Variants in PEBP1 observed in about 807,000 individuals in gnomAD.
PEBP1 encodes phosphatidylethanolamine-binding protein 1.
In PEBP1, 17 loss-of-function variants were observed where a neutral mutation model predicts 22.7. The observed-to-expected ratio is 0.75, with a 90% CI of 0.51 to 1.12. The LOEUF (loss-of-function observed/expected upper bound fraction) is 1.12, where lower values mean the gene tolerates loss of function less well. Among genes scored for constraint, PEBP1 ranks in the 50% most tolerant of loss-of-function variants. The pLI, the probability that PEBP1 is intolerant of heterozygous loss-of-function variation, is 0.00. For missense variants in PEBP1, 205 were observed against 243.5 expected, an observed-to-expected ratio of 0.84 and a Z score of 1.05; for synonymous variants, 106 against 104.3, an observed-to-expected ratio of 1.02 and a Z score of -0.10.
Position 118,145,050 on chromosome 12 carries a change from G to A in PEBP1, c.*247G>A, listed in dbSNP as rs1035627086. On this transcript the variant is annotated 3_prime_UTR_variant, in exon 4 of 4. Coordinates refer to ENST00000261313, the MANE Select transcript of PEBP1 (RefSeq NM_002567.4). ...GGGGGTATTTTGGTACTGTGATGGGGTCATCAAATTATTAATCTGAAAATA... is the reference window on the plus strand; with the variant it reads ...GGGGGTATTTTGGTACTGTGATGGGATCATCAAATTATTAATCTGAAAATA... 3 of 1,418,962 alleles carry A rather than the reference G, an allele frequency of 2.1e-6. No homozygotes were observed. The highest frequency in any genetic ancestry group is 2.9e-5 in the African/African-American group (2 of 70,140). 87.9% of individuals were successfully genotyped at this position (1,418,962 alleles called of 1,614,324 possible). A position where few individuals can be genotyped will look rare whatever the true frequency, so the allele number is the denominator to read the frequency against.
chr12:118,143,354 A>C (rs770122921), intron 3 of PEBP1, among the ~76,000 whole-genome samples: 4 of 152,140 alleles, frequency 2.6e-5, no homozygotes, highest in Non-Finnish European at 5.9e-5. Context: ...AATTTCACTA[A>C]TGTAATGTTC....
Position 118,138,097 on chromosome 12 carries a change from C to T in PEBP1, c.194C>T (p.Thr65Ile), listed in dbSNP as rs199837201. The T allele has an allele frequency of 1.9e-6, 3 of 1,613,972 alleles. No homozygotes were observed. In the African/African-American group the frequency reaches 4.0e-5, roughly 22 times the overall value. ...GGTCTTGATTCAGGGAAGCTCTACA[C>T]CTTGGTCCTGACAGACCCGGATGCT... ...WDGLDSGKLY[T>I]LVLTDPDAPS... Residue 65 changes from threonine to isoleucine, a missense_variant, in exon 2 of 4, where the codon ACC (threonine) becomes ATC (isoleucine). By Grantham distance (89) the Thr-to-Ile change is moderately conservative. Transcript: ENST00000261313.
chr12:118,141,833 AAT>A, intron 3 of PEBP1, among the ~76,000 whole-genome samples: 1 of 152,348 alleles, frequency 6.6e-6, no homozygotes, highest in East Asian at 1.9e-4. Flanking sequence ...AGATTGTATC[AAT>A]AGTTACCCCT....
At chr12:118,141,954 T>C (rs2064504099) in intron 3 of PEBP1, among the ~76,000 whole-genome samples, 2 of 152,144 alleles carry the variant, frequency 1.3e-5, no homozygotes, top group Non-Finnish European at 2.9e-5. Context: ...TGAAGAAATA[T>C]CCAAATATTA....
chr12:118,144,277 G>C (rs937792223), intron 3 of PEBP1, among the ~76,000 whole-genome samples: 1 of 152,080 alleles, frequency 6.6e-6, no homozygotes, highest in Admixed American at 6.6e-5. Context: ...GCGAGGATAA[G>C]GGGGTGCAGA....
chr12:118,136,457 G>A lies in PEBP1; in HGVS notation c.135+113G>A, dbSNP rs1464847362. 7.9e-7 allele frequency: 1 copy of A among 1,262,992 alleles called. No individual in the cohort carries two copies. The highest frequency in any genetic ancestry group is 1.5e-5 in the African/African-American group (1 of 64,568). The allele number at this position is 1,262,992 out of a possible 1,614,324, so 78.2% of individuals were successfully genotyped here. A position where few individuals can be genotyped will look rare whatever the true frequency, so the allele number is the denominator to read the frequency against. On this transcript the variant is annotated intron_variant, in intron 1 of 3. Coordinates refer to ENST00000261313, the MANE Select transcript of PEBP1 (RefSeq NM_002567.4). This position sits in a 1 kb window ranked among gnomAD's most constrained non-coding sequence, Gnocchi z 5.6. ...GGGGCGGTGGGGAGGTTCAGCCTGC[G>A]TGTGTCGAGGCCCCCCCAGGCCAGA...
chr12:118,136,192 G>T lies in PEBP1; in HGVS notation c.-18G>T. On this transcript the variant is annotated 5_prime_UTR_variant, in exon 1 of 4. Transcript: ENST00000261313. This position sits in a 1 kb window ranked among gnomAD's most constrained non-coding sequence, Gnocchi z 5.6. Reference sequence around the variant, plus strand: ...CCTACCGCGGCACTCCCGGCTGCACGCTCTGCTTGGCCTCGCCATGCCGGT... The same window carrying T: ...CCTACCGCGGCACTCCCGGCTGCACTCTCTGCTTGGCCTCGCCATGCCGGT... The T allele has an allele frequency of 1.9e-6, 3 of 1,543,034 alleles. No individual in the cohort carries two copies. The highest frequency in any genetic ancestry group is 2.6e-6 in the Non-Finnish European group (3 of 1,146,224).
intron 3 of PEBP1, among the ~76,000 whole-genome samples, chr12:118,142,069 G>C (rs1253931788): frequency 6.6e-6 from 1 of 151,562 alleles, no homozygotes; most frequent in African/African-American, 2.4e-5. Flanking sequence ...GGAACATTAT[G>C]TTAGTGAAAT....
Position 118,138,160 on chromosome 12 carries a change from G to C in PEBP1, c.245+12G>C. On this transcript the variant is annotated intron_variant, in intron 2 of 3. Transcript: ENST00000261313. ...GATCCCAAATACAGGTGAGAGGTGA[G>C]AAAGACGAGAAGAGCAGGTCATGCA... is the stretch of plus-strand genomic sequence containing the variant. 6.5e-7 allele frequency: 1 copy of C among 1,550,172 alleles called. No homozygotes were observed. The highest frequency in any genetic ancestry group is 8.9e-7 in the Non-Finnish European group (1 of 1,123,040).
chr12:118,137,954 T>G lies in PEBP1; in HGVS notation c.136-85T>G. The G allele has an allele frequency of 1.3e-5, 11 of 877,682 alleles. 1 individual carries two copies. In the South Asian group the frequency reaches 1.6e-4, roughly 12 times the overall value. The allele number at this position is 877,682 out of a possible 1,614,324, so 54.4% of individuals were successfully genotyped here. A position where few individuals can be genotyped will look rare whatever the true frequency, so the allele number is the denominator to read the frequency against. ...CTCTCTCCTAGGCCTCCCAAAGTGCTGGGATTACAGGCGTGAGCCACCACA... is the reference window on the plus strand; with the variant it reads ...CTCTCTCCTAGGCCTCCCAAAGTGCGGGGATTACAGGCGTGAGCCACCACA... On this transcript the variant is annotated intron_variant, in intron 1 of 3. Coordinates refer to ENST00000261313, the MANE Select transcript of PEBP1 (RefSeq NM_002567.4).
At chr12:118,144,119 C>T (rs898917029) in intron 3 of PEBP1, among the ~76,000 whole-genome samples, 3 of 151,914 alleles carry the variant, frequency 2.0e-5, no homozygotes, top group African/African-American at 4.8e-5. Context: ...ATGGTGGGCC[C>T]GGGTCATTGA....
intron 3 of PEBP1, among the ~76,000 whole-genome samples, chr12:118,139,822 ACTGTTGCAGAAAG>A (rs1189118508): frequency 1.3e-5 from 2 of 152,178 alleles, no homozygotes; most frequent in Non-Finnish European, 2.9e-5. Flanking sequence ...AGAGGGAAGC[ACTGTTGCAGAAAG>A]CTTAGCATGG....
In PEBP1 at chr12:118,141,659, G is replaced by A. The variant is rs150210219; in HGVS notation, c.346+2108G>A. Reference sequence around the variant, plus strand: ...TGAGGTGGGAGGATGGCTTGAACCCGGGAGGTGGAGGTTGCAGTGAGCTGA... The same window carrying A: ...TGAGGTGGGAGGATGGCTTGAACCCAGGAGGTGGAGGTTGCAGTGAGCTGA... On this transcript the variant is annotated intron_variant, in intron 3 of 3. Transcript: ENST00000261313. Among the ~76,000 whole-genome samples, 451 of 152,292 alleles carry A rather than the reference G, an allele frequency of 3.0e-3. 7 individuals are homozygous for A. The highest frequency in any genetic ancestry group is 0.014 in the Middle Eastern group (4 of 294).
rs534530135 is a variant in PEBP1 at position 118,136,651 on chromosome 12, C to G, written c.135+307C>G. Among the ~76,000 whole-genome samples, 20 of 152,226 alleles carry G rather than the reference C, an allele frequency of 1.3e-4. No individual in the cohort carries two copies. The highest frequency in any genetic ancestry group is 4.8e-4 in the African/African-American group (20 of 41,464). On this transcript the variant is annotated intron_variant, in intron 1 of 3. Coordinates refer to ENST00000261313, the MANE Select transcript of PEBP1 (RefSeq NM_002567.4). The surrounding 1 kb of genome is among the most constrained non-coding windows in gnomAD (Gnocchi z 5.6). ...AACAGGCCGGATCCCCCTCTCCCCCCACAGGCCAGGGCGCTGGAGAGGGAC... is the reference window on the plus strand; with the variant it reads ...AACAGGCCGGATCCCCCTCTCCCCCGACAGGCCAGGGCGCTGGAGAGGGAC...
chr12:118,139,875 C>A (rs2034100302), intron 3 of PEBP1, among the ~76,000 whole-genome samples: 1 of 152,182 alleles, frequency 6.6e-6, no homozygotes. Flanking sequence ...GTGGAATACA[C>A]AGTTAAACTA....
intron 3 of PEBP1, among the ~76,000 whole-genome samples, chr12:118,143,755 C>T (rs926003430): frequency 4.6e-5 from 7 of 151,696 alleles, no homozygotes; most frequent in Non-Finnish European, 8.8e-5. Context: ...CAAAACAAAA[C>T]ATAACTGGGC....
Position 118,144,728 on chromosome 12 carries a change from G to A in PEBP1, c.489G>A (p.Pro163=), listed in dbSNP as rs570728845. The A allele has an allele frequency of 8.1e-6, 13 of 1,614,118 alleles. No homozygotes were observed. The highest frequency in any genetic ancestry group is 3.3e-5 in the Admixed American group (2 of 60,012). ...SFRKKYELRA[P]VAGTCYQAEW... ...GTAAAAAGTATGAGCTCAGGGCCCCGGTGGCTGGCACGTGTTACCAGGCCG... is the reference window on the plus strand; with the variant it reads ...GTAAAAAGTATGAGCTCAGGGCCCCAGTGGCTGGCACGTGTTACCAGGCCG... Residue 163 remains proline, a synonymous_variant, in exon 4 of 4, where the codon CCG becomes CCA. Coordinates refer to ENST00000261313, the MANE Select transcript of PEBP1 (RefSeq NM_002567.4).
At position 118,139,549 on chromosome 12, in the gene PEBP1, C is replaced by T. The variant is rs1189590098; in HGVS notation, c.344C>T (p.Thr115Ile). ...GTGGGCTCGGGGCCTCCCAAGGGCA[C>T]AGGTTAGTAAAGGTTGTTTTTGGTG... ...DYVGSGPPKG[T>I]GLHRYVWLVY... The change falls in exon 3 of 4, where the codon ACA becomes ATA. Residue 115 changes from threonine (T) to isoleucine (I), a missense_variant and splice_region_variant. Coordinates refer to ENST00000261313, the MANE Select transcript of PEBP1 (RefSeq NM_002567.4). 7 of 1,606,976 alleles carry T rather than the reference C, an allele frequency of 4.4e-6. No individual in the cohort carries two copies. The highest frequency in any genetic ancestry group is 2.2e-5 in the South Asian group (2 of 90,770).
chr12:118,141,132 T>C (rs1405109538), intron 3 of PEBP1, among the ~76,000 whole-genome samples: 2 of 151,860 alleles, frequency 1.3e-5, no homozygotes, highest in African/African-American at 4.8e-5. Context: ...TTTTTTTTTT[T>C]CTGAGATGGA....
Sources: gnomAD v4.1 joint callset for allele counts (sites outside exome capture counted in the v4.1 genomes callset) on GRCh38, gnomAD v4.1.1 for gene constraint, Gnocchi (gnomAD v3.1) non-coding constraint, MANE v1.5 for transcripts, NCBI Gene and HGNC (gene_info 2026-07-23, HGNC 2026-07-21) for gene names.